The following TBCK variants were observed in gnomAD, a reference collection of about 807,000 sequenced individuals.
The protein encoded by TBCK is TBC1 domain containing kinase.
A neutral mutation model predicts 113.4 loss-of-function variants in TBCK; 99 were observed. The observed-to-expected ratio is 0.87, with a 90% CI of 0.74 to 1.03. The LOEUF (loss-of-function observed/expected upper bound fraction) is 1.03. Ranked by LOEUF, TBCK falls within the 50% of genes least tolerant of loss-of-function variation. The pLI, the probability that TBCK is intolerant of heterozygous loss-of-function variation, is 0.00. For synonymous variants in TBCK, 369 were observed against 370.8 expected (o/e 1.00, Z 0.05); for missense variants, 1,045 against 1,061.3 (o/e 0.98, Z 0.21).
At chr4:106,109,899 C>T (rs577803734) in intron 24 of TBCK, among the ~76,000 whole-genome samples, 2 of 152,234 alleles carry the variant, frequency 1.3e-5, no homozygotes, top group South Asian at 4.2e-4. Context: ...CTTGGACGTC[C>T]AGGAGGTTTT....
At chr4:106,226,626 T>C (rs1758276365) in intron 19 of TBCK, among the ~76,000 whole-genome samples, 1 of 152,226 alleles carries the variant, frequency 6.6e-6, no homozygotes, top group Admixed American at 6.5e-5. Flanking sequence ...TAGCTGATGA[T>C]TATTAAATTT....
In TBCK at chr4:106,262,222, A is replaced by C; in HGVS notation, c.267-10T>G. 1 of 1,473,470 alleles carries C rather than the reference A, an allele frequency of 6.8e-7. No individual in the cohort carries two copies. Among genetic ancestry groups the C allele is most frequent in the South Asian group, 1.3e-5 (1 of 78,862 alleles). The allele number at this position is 1,473,470 out of a possible 1,614,324, so 91.3% of individuals were successfully genotyped here. ...CAAAACCGTTGAACAGCTACAAAGA[A>C]AACAAAAAGTCAAAGATCAATTACA... On this transcript the variant is annotated splice_polypyrimidine_tract_variant and intron_variant, in intron 3 of 25. Coordinates refer to ENST00000394708, the MANE Select transcript of TBCK (RefSeq NM_001163435.3).
At position 106,046,125 on chromosome 4, in the gene TBCK, T is replaced by C. The variant is rs1227; in HGVS notation, c.*445A>G. 0.018 allele frequency: 2,810 copies of C among 153,998 alleles called. 179 individuals are homozygous for C. Among genetic ancestry groups the C allele is most frequent in the East Asian group, 0.16 (848 of 5,202 alleles). 9.5% of individuals were successfully genotyped at this position (153,998 alleles called of 1,614,324 possible). On this transcript the variant is annotated 3_prime_UTR_variant, in exon 26 of 26. Transcript: ENST00000394708. ...AAATGTAGCATTTATTTATAAGGAA[T>C]GCATTGTGAATAGTTTCTCAGTTTT...
chr4:106,071,584 G>C (rs754156502), intron 25 of TBCK, among the ~76,000 whole-genome samples: 4 of 152,186 alleles, frequency 2.6e-5, no homozygotes, highest in Non-Finnish European at 4.4e-5. Context: ...GTTGATTTGG[G>C]CTGAAGAGTT....
chr4:106,108,843 T>C lies in TBCK; in HGVS notation c.2411+7360A>G, dbSNP rs901007544. On this transcript the variant is annotated intron_variant, in intron 24 of 25. Transcript: ENST00000394708. ...TATCTCTGTAGATGACATGATTCTA[T>C]ATCTAGAAAAACATGCAGTCTTGAC... 2.6e-5 allele frequency among the ~76,000 whole-genome samples: 4 copies of C among 152,310 alleles called. No homozygotes were observed. The South Asian group carries it at 8.3e-4, about 32-fold the overall frequency.
chr4:106,184,290 G>A (rs898852792), intron 22 of TBCK, among the ~76,000 whole-genome samples: 19 of 151,894 alleles, frequency 1.3e-4, no homozygotes, highest in Admixed American at 2.6e-4. Flanking sequence ...TAAAATATAA[G>A]GAATACTTCC....
chr4:106,081,390 G>A (rs1738857546), intron 25 of TBCK, among the ~76,000 whole-genome samples: 1 of 152,148 alleles, frequency 6.6e-6, no homozygotes, highest in African/African-American at 2.4e-5. Context: ...GGAGTTGGAA[G>A]CTGTTATCCT....
chr4:106,183,542 T>C (rs6843870), intron 22 of TBCK, among the ~76,000 whole-genome samples: 20,720 of 152,070 alleles, frequency 0.14, 1,677 homozygotes, highest in South Asian at 0.25. Flanking sequence ...CACTATGTCT[T>C]ATTTATTTTT....
At chr4:106,219,277 G>A (rs574878733) in intron 19 of TBCK, among the ~76,000 whole-genome samples, 1,985 of 150,490 alleles carry the variant, frequency 0.013, 45 homozygotes, top group African/African-American at 0.045. Context: ...GCTAGATGAC[G>A]AGTTAGTGGG....
At chr4:106,216,623 T>C (rs1284228862) in intron 19 of TBCK, among the ~76,000 whole-genome samples, 2 of 151,972 alleles carry the variant, frequency 1.3e-5, no homozygotes, top group African/African-American at 4.8e-5. Flanking sequence ...CTAGAAGAAA[T>C]GGGTAAATTC....
intron 19 of TBCK, among the ~76,000 whole-genome samples, chr4:106,214,707 G>A (rs982726370): frequency 6.6e-6 from 1 of 152,030 alleles, no homozygotes; most frequent in African/African-American, 2.4e-5. Context: ...AAGCAATATG[G>A]GACTATGTGA....
intron 3 of TBCK, among the ~76,000 whole-genome samples, chr4:106,264,001 C>T (rs1348849381): frequency 6.6e-6 from 1 of 151,892 alleles, no homozygotes; most frequent in Non-Finnish European, 1.5e-5. Context: ...TAATCATCAG[C>T]AGGTAGTTTT....
chr4:106,081,832 A>G (rs1187744795), intron 25 of TBCK, among the ~76,000 whole-genome samples: 3 of 152,210 alleles, frequency 2.0e-5, no homozygotes, highest in Non-Finnish European at 4.4e-5. Flanking sequence ...AATATATGCC[A>G]CTAACAAATA....
intron 25 of TBCK, among the ~76,000 whole-genome samples, chr4:106,094,915 T>A (rs1740735076): frequency 6.6e-6 from 1 of 152,228 alleles, no homozygotes; most frequent in Admixed American, 6.5e-5. Context: ...CATACTAAGC[T>A]ACAGTCTTCA....
chr4:106,151,779 T>C (rs549424826), intron 23 of TBCK, among the ~76,000 whole-genome samples: 1 of 152,180 alleles, frequency 6.6e-6, no homozygotes, highest in Non-Finnish European at 1.5e-5. Flanking sequence ...TAATGTTTCA[T>C]AGTTTTCACT....
chr4:106,249,997 T>C (rs1184390922), intron 7 of TBCK, among the ~76,000 whole-genome samples: 2 of 152,124 alleles, frequency 1.3e-5, no homozygotes, highest in African/African-American at 2.4e-5. Context: ...TGAAAATTCA[T>C]ATGAGCCTTT....
intron 20 of TBCK, 27 bp downstream of exon 20, chr4:106,212,721 CAT>C (rs767780311): frequency 1.1e-5 from 16 of 1,459,846 alleles, no homozygotes; most frequent in East Asian, 9.2e-5. Flanking sequence ...TTTTTAACCA[CAT>C]GTTCTATTAA....
intron 19 of TBCK, among the ~76,000 whole-genome samples, chr4:106,214,261 A>G (rs1442329240): frequency 6.6e-6 from 1 of 152,170 alleles, no homozygotes; most frequent in Non-Finnish European, 1.5e-5. Flanking sequence ...AACCACAAAG[A>G]TGGGGAAAAA....
intron 3 of TBCK, among the ~76,000 whole-genome samples, chr4:106,266,539 A>G (rs1023664521): frequency 1.3e-5 from 2 of 151,910 alleles, no homozygotes; most frequent in Non-Finnish European, 2.9e-5. Context: ...GTGAGCTATT[A>G]GACATTAGAC....
Sources: allele counts gnomAD v4.1 joint callset (sites outside exome capture counted in the v4.1 genomes callset), GRCh38; gene constraint gnomAD v4.1.1; transcripts MANE v1.5; gene names NCBI Gene and HGNC (gene_info 2026-07-23, HGNC 2026-07-21).